Variants in ARMC2 observed in about 807,000 individuals in gnomAD.
The protein encoded by ARMC2 is armadillo repeat-containing protein 2.
A neutral mutation model predicts 90.3 loss-of-function variants in ARMC2; 67 were observed. The observed-to-expected ratio is 0.74, with a 90% CI of 0.61 to 0.91. The LOEUF (loss-of-function observed/expected upper bound fraction) is 0.91. ARMC2 is among the 40% of genes least tolerant of loss of function. The pLI, the probability that ARMC2 is intolerant of heterozygous loss-of-function variation, is 0.00. For synonymous variants in ARMC2, 393 were observed against 393.0 expected (o/e 1.00, Z 0.00); for missense variants, 920 against 1,030.9 (o/e 0.89, Z 1.47).
chr6:108,964,108 C>T (rs751653708), intron 15 of ARMC2, 72 bp from the exon 16 acceptor site: 15 of 1,540,130 alleles, frequency 9.7e-6, no homozygotes, highest in Non-Finnish European at 9.7e-6. Flanking sequence ...TTTCCCCATA[C>T]CATCTGTAAA....
chr6:108,994,140 TAAAAAAAA>T, the ARMC2 span, among the ~76,000 whole-genome samples: 2 of 100,266 alleles, frequency 2.0e-5, no homozygotes, highest in South Asian at 6.6e-4. Context: ...CCCTGTTTCT[TAAAAAAAA>T]AAAAAAAAAA....
intron 2 of ARMC2, among the ~76,000 whole-genome samples, chr6:108,857,475 G>A (rs1215654591): frequency 2.6e-5 from 4 of 151,994 alleles, no homozygotes; most frequent in South Asian, 2.1e-4. Flanking sequence ...TGTTTCTTCC[G>A]TCCCAATCTG....
the ARMC2 span, chr6:108,994,642 G>A: frequency 6.4e-7 from 1 of 1,566,792 alleles, no homozygotes; most frequent in Non-Finnish European, 8.7e-7. Flanking sequence ...GTTACATGTG[G>A]CAGACATAGA....
intron 8 of ARMC2, among the ~76,000 whole-genome samples, chr6:108,905,623 ATAT>A (rs1772607054): frequency 6.6e-6 from 1 of 152,148 alleles, no homozygotes; most frequent in African/African-American, 2.4e-5. Context: ...TGCAGAGTAA[ATAT>A]TATTTCGGTT....
the ARMC2 span, among the ~76,000 whole-genome samples, chr6:109,018,940 T>C: frequency 6.6e-6 from 1 of 152,160 alleles, no homozygotes; most frequent in African/African-American, 2.4e-5. Context: ...TTTCTTGATA[T>C]TATGCATATA....
the ARMC2 span, among the ~76,000 whole-genome samples, chr6:109,033,905 A>T: frequency 6.6e-6 from 1 of 152,226 alleles, no homozygotes; most frequent in South Asian, 2.1e-4. Context: ...AAGCATTCGT[A>T]AAGAAGCGGA....
At chr6:108,948,236 G>A (rs1776942973) in intron 12 of ARMC2, among the ~76,000 whole-genome samples, 1 of 152,116 alleles carries the variant, frequency 6.6e-6, no homozygotes, top group Admixed American at 6.5e-5. Context: ...CGGTTTGGGA[G>A]CAGAGGCCAC....
chr6:109,016,161 A>T, the ARMC2 span, among the ~76,000 whole-genome samples: 197 of 152,322 alleles, frequency 1.3e-3, no homozygotes, highest in African/African-American at 4.6e-3. Flanking sequence ...CATTAGCTTA[A>T]TCATGACAGA....
At chr6:108,988,631 A>C in the ARMC2 span, 1 of 1,612,696 alleles carries the variant, frequency 6.2e-7, no homozygotes, top group South Asian at 1.1e-5. Flanking sequence ...TTTGATATAA[A>C]CTTTAAAGCT....
the ARMC2 span, chr6:108,990,698 G>A: frequency 6.2e-7 from 1 of 1,614,020 alleles, no homozygotes; most frequent in South Asian, 1.1e-5. Context: ...TAAGCATTGA[G>A]GTATCAACAT....
intron 12 of ARMC2, among the ~76,000 whole-genome samples, chr6:108,939,879 A>G (rs1289055972): frequency 6.6e-6 from 1 of 152,206 alleles, no homozygotes; most frequent in African/African-American, 2.4e-5. Flanking sequence ...TTCTTAGAAG[A>G]TATTAAAACT....
At chr6:108,862,363 A>C (rs868745116) in intron 3 of ARMC2, among the ~76,000 whole-genome samples, 4,438 of 149,108 alleles carry the variant, frequency 0.03, 271 homozygotes, top group African/African-American at 0.093. Context: ...AAAAAACAAA[A>C]AAAACAAACA....
chr6:108,989,840 ACTG>A, the ARMC2 span, among the ~76,000 whole-genome samples: 1 of 152,110 alleles, frequency 6.6e-6, no homozygotes, highest in African/African-American at 2.4e-5. Flanking sequence ...TCACATAGGC[ACTG>A]AAGTCTCCTA....
At position 108,874,522 on chromosome 6, in the gene ARMC2, G is replaced by C. The variant is rs114320762; in HGVS notation, c.464-1621G>C. On this transcript the variant is annotated intron_variant, in intron 4 of 17. Coordinates refer to ENST00000392644, the MANE Select transcript of ARMC2 (RefSeq NM_032131.6). Reference sequence around the variant, plus strand: ...TTAAGGTGGTGTGGTGATATGGAGAGAGCCCTAGCCCAGAAGTCAGGATTC... The same window carrying C: ...TTAAGGTGGTGTGGTGATATGGAGACAGCCCTAGCCCAGAAGTCAGGATTC... Among the ~76,000 whole-genome samples the C allele has an allele frequency of 4.2e-3, 638 of 152,312 alleles. 3 individuals are homozygous for C. Among genetic ancestry groups the C allele is most frequent in the African/African-American group, 0.014 (598 of 41,560 alleles).
intron 11 of ARMC2, among the ~76,000 whole-genome samples, chr6:108,928,882 ATGT>A (rs1395252558): frequency 1.3e-5 from 2 of 152,160 alleles, no homozygotes; most frequent in African/African-American, 2.4e-5. Flanking sequence ...TTGAACTATA[ATGT>A]TGTAGTTGTA....
chr6:108,966,200 C>T (rs574731134), intron 17 of ARMC2, among the ~76,000 whole-genome samples: 1 of 150,552 alleles, frequency 6.6e-6, no homozygotes, highest in African/African-American at 2.5e-5. Context: ...AACTTCTCTG[C>T]AACCTGAGAA....
chr6:108,907,630 C>T, intron 8 of ARMC2: 3 of 1,589,252 alleles, frequency 1.9e-6, no homozygotes, highest in Non-Finnish European at 1.7e-6. Flanking sequence ...TGCGGAGCCA[C>T]TCGTGCTTGA....
intron 12 of ARMC2, among the ~76,000 whole-genome samples, chr6:108,946,414 T>C (rs1287417580): frequency 6.6e-6 from 1 of 152,250 alleles, no homozygotes; most frequent in Non-Finnish European, 1.5e-5. Flanking sequence ...TTTATCTAGT[T>C]AAACACGTAG....
chr6:108,906,788 G>C (rs1386138987), intron 8 of ARMC2, among the ~76,000 whole-genome samples: 1 of 152,166 alleles, frequency 6.6e-6, no homozygotes, highest in Non-Finnish European at 1.5e-5. Context: ...CCTGGCCAGA[G>C]ACTCCTCTTG....
Sources: allele counts gnomAD v4.1 joint callset (sites outside exome capture counted in the v4.1 genomes callset), GRCh38; gene constraint gnomAD v4.1.1; transcripts MANE v1.5; gene names NCBI Gene and HGNC (gene_info 2026-07-23, HGNC 2026-07-21).